Variants in CELSR1 observed in about 807,000 individuals in gnomAD.
CELSR1 encodes the protein cadherin EGF LAG seven-pass G-type receptor 1, also known as adhesion G protein-coupled receptor C1.
In CELSR1, 110 loss-of-function variants were observed where a neutral mutation model predicts 249.1. The observed-to-expected ratio is 0.44, with a 90% CI of 0.38 to 0.52. CELSR1 has a LOEUF of 0.52. Among genes scored for constraint, CELSR1 ranks in the 20% least tolerant of loss-of-function variants. CELSR1 has a pLI of 0.00. For synonymous variants in CELSR1, 2,113 were observed against 1,900.0 expected (o/e 1.11, Z -2.92); for missense variants, 4,109 against 4,296.4 (o/e 0.96, Z 1.22).
At chr22:46,397,277 CT>C (rs528088887) in intron 12 of CELSR1, among the ~76,000 whole-genome samples, 2,261 of 78,678 alleles carry the variant, frequency 0.029, 42 homozygotes, top group African/African-American at 0.1. Flanking sequence ...CTAATTTTTG[CT>C]TTTTTTTTTT....
intron 2 of CELSR1, among the ~76,000 whole-genome samples, chr22:46,439,801 C>T (rs888905548): frequency 6.6e-6 from 1 of 152,166 alleles, no homozygotes; most frequent in Non-Finnish European, 1.5e-5. Context: ...CCTCAGGCCC[C>T]TCCCCACACC....
In CELSR1 at chr22:46,441,721, C is replaced by T. The variant is rs963718164; in HGVS notation, c.4184-2310G>A. 2.6e-5 allele frequency among the ~76,000 whole-genome samples: 4 copies of T among 152,182 alleles called. No individual in the cohort carries two copies. Among genetic ancestry groups the T allele is most frequent in the South Asian group, 4.1e-4 (2 of 4,828 alleles). On this transcript the variant is annotated intron_variant, in intron 2 of 34. Transcript: ENST00000674500. The surrounding 1 kb of genome is among the most constrained non-coding windows in gnomAD (Gnocchi z 6.1). The stretch of plus-strand genomic sequence containing the variant: ...CCATGACCTCATCTAAACCTAATCA[C>T]CTCCTAAAGCACCCATCCTGGGGCA...
intron 1 of CELSR1, among the ~76,000 whole-genome samples, chr22:46,479,162 C>CACCTT (rs2080241067): frequency 1.3e-5 from 2 of 151,924 alleles, no homozygotes; most frequent in Non-Finnish European, 2.9e-5. Flanking sequence ...ACACCTGCGG[C>CACCTT]TGGTGCAGCA....
At chr22:46,419,263 G>C (rs1003686243) in intron 5 of CELSR1, among the ~76,000 whole-genome samples, 1 of 152,186 alleles carries the variant, frequency 6.6e-6, no homozygotes, top group Non-Finnish European at 1.5e-5. Flanking sequence ...AATGACAAAT[G>C]AAGGGCCAAA....
chr22:46,365,633 C>A lies in CELSR1; in HGVS notation c.8357G>T (p.Gly2786Val). 6.3e-7 allele frequency: 1 copy of A among 1,592,222 alleles called. No homozygotes were observed. The highest frequency in any genetic ancestry group is 8.5e-7 in the Non-Finnish European group (1 of 1,170,148). The change falls in exon 31 of 35, where the codon GGA becomes GTA. Residue 2786 changes from glycine (G) to valine (V), a missense_variant. By Grantham distance (109) the Gly-to-Val change is moderately radical. This residue lies in a region of CELSR1 where 1,805 missense variants were observed against 1,831.6 expected (regional missense o/e 0.99). Coordinates refer to ENST00000674500, the MANE Select transcript of CELSR1 (RefSeq NM_001378328.1). ...GGGCATGAGGGACGCGTCTGGCTCTCCGTGGCTGCCCCTCACCAGCCCAGA... is the reference window on the plus strand; with the variant it reads ...GGGCATGAGGGACGCGTCTGGCTCTACGTGGCTGCCCCTCACCAGCCCAGA... ...VSSGLVRGSH[G>V]EPDASLMPRS...
chr22:46,363,995 C>G lies in CELSR1; in HGVS notation c.9035+1G>C. The G allele has an allele frequency of 1.3e-6, 2 of 1,600,000 alleles. No homozygotes were observed. Among genetic ancestry groups the G allele is most frequent in the South Asian group, 2.2e-5 (2 of 89,814 alleles). On this transcript the variant is annotated splice_donor_variant, in intron 34 of 34. Transcript: ENST00000674500. LOFTEE classifies it high-confidence loss of function. This position sits in a 1 kb window ranked among gnomAD's most constrained non-coding sequence, Gnocchi z 4.3. ...CCGCCCTGGAGGCCCAGGCTACTCA[C>G]TCAGAGTCGGAGCCATCGGCCTGGG...
rs923335388 is a variant in CELSR1 at position 46,395,052 on chromosome 22, C to A, written c.5844-790G>T. ...CCCCTGGCTAACCAAGTTCCCTCCA[C>A]CCAGCTGCCAGCCTCTAGCATTCAC... On this transcript the variant is annotated intron_variant, in intron 13 of 34. Transcript: ENST00000674500. This position sits in a 1 kb window ranked among gnomAD's most constrained non-coding sequence, Gnocchi z 5.5. Among the ~76,000 whole-genome samples the A allele has an allele frequency of 6.6e-6, 1 of 152,232 alleles. No individual in the cohort carries two copies. Among genetic ancestry groups the A allele is most frequent in the Non-Finnish European group, 1.5e-5 (1 of 68,030 alleles).
intron 1 of CELSR1, among the ~76,000 whole-genome samples, chr22:46,485,758 G>A (rs934700209): frequency 2.0e-5 from 3 of 152,128 alleles, no homozygotes; most frequent in Non-Finnish European, 4.4e-5. Flanking sequence ...ACAGTCTGGG[G>A]AAATGGGCGC....
In CELSR1 at chr22:46,433,564, A is replaced by G; in HGVS notation, c.4523-83T>C. On this transcript the variant is annotated intron_variant, in intron 4 of 34. Coordinates refer to ENST00000674500, the MANE Select transcript of CELSR1 (RefSeq NM_001378328.1). The surrounding 1 kb of genome is among the most constrained non-coding windows in gnomAD (Gnocchi z 5.7). ...ACCGAGGATTGCGCTGTGAGGCATC[A>G]GGGGGAGACAGGTGCACATGGCCAC... 2 of 1,027,116 alleles carry G rather than the reference A, an allele frequency of 1.9e-6. No homozygotes were observed. The highest frequency in any genetic ancestry group is 2.9e-6 in the Non-Finnish European group (2 of 678,308). The allele number at this position is 1,027,116 out of a possible 1,614,324, so 63.6% of individuals were successfully genotyped here. A position where few individuals can be genotyped will look rare whatever the true frequency, so the allele number is the denominator to read the frequency against.
At position 46,441,461 on chromosome 22, in the gene CELSR1, T is replaced by C. The variant is rs1350484294; in HGVS notation, c.4184-2050A>G. 6.6e-6 allele frequency among the ~76,000 whole-genome samples: 1 copy of C among 152,072 alleles called. No individual in the cohort carries two copies. Among genetic ancestry groups the C allele is most frequent in the Admixed American group, 6.5e-5 (1 of 15,268 alleles). On this transcript the variant is annotated intron_variant, in intron 2 of 34. Coordinates refer to ENST00000674500, the MANE Select transcript of CELSR1 (RefSeq NM_001378328.1). This position sits in a 1 kb window ranked among gnomAD's most constrained non-coding sequence, Gnocchi z 6.1. ...AGAATGAAAACACACTTACGACGCC[T>C]CAGTCTGCTTGGGCTGCCATAATGA...
chr22:46,397,477 C>T (rs914180233), intron 12 of CELSR1, among the ~76,000 whole-genome samples, 197 bp downstream of exon 12: 2 of 152,014 alleles, frequency 1.3e-5, no homozygotes, highest in African/African-American at 4.8e-5. Context: ...GCGCCTGGGG[C>T]ACTCTGTGCC....
rs1385001307 is a variant in CELSR1, at chr22:46,500,758, A to C, written c.3544+32869T>G. 6.6e-6 allele frequency among the ~76,000 whole-genome samples: 1 copy of C among 152,144 alleles called. No individual in the cohort carries two copies. Among genetic ancestry groups the C allele is most frequent in the Non-Finnish European group, 1.5e-5 (1 of 68,018 alleles). On this transcript the variant is annotated intron_variant, in intron 1 of 34. Transcript: ENST00000674500. This position sits in a 1 kb window ranked among gnomAD's most constrained non-coding sequence, Gnocchi z 4.9. ...TGACTGCAGTTTCAGAATGAAGCTC[A>C]CCACCGTGTCCCCACAACTGGAGCT...
chr22:46,503,131 T>C (rs1365531883), intron 1 of CELSR1, among the ~76,000 whole-genome samples: 1 of 152,136 alleles, frequency 6.6e-6, no homozygotes, highest in Non-Finnish European at 1.5e-5. Context: ...TGGCCTCAGA[T>C]GGACAAGACT....
In CELSR1 at chr22:46,517,428, C is replaced by T. The variant is rs980844707; in HGVS notation, c.3544+16199G>A. Among the ~76,000 whole-genome samples, 1 of 152,240 alleles carries T rather than the reference C, an allele frequency of 6.6e-6. No homozygotes were observed. Among genetic ancestry groups the T allele is most frequent in the Non-Finnish European group, 1.5e-5 (1 of 68,042 alleles). ...CCTGGTTTTCCCCCAAAACAGACTC[C>T]ATCTGGCACTTGTCATCTTCCACGG... On this transcript the variant is annotated intron_variant, in intron 1 of 34. Transcript: ENST00000674500. This position sits in a 1 kb window ranked among gnomAD's most constrained non-coding sequence, Gnocchi z 5.4.
Position 46,499,795 on chromosome 22 carries a change from C to T in CELSR1, c.3544+33832G>A, listed in dbSNP as rs1366340910. The stretch of plus-strand genomic sequence containing the variant: ...CCTCTGCTCTCGTCCCTCAGAACCC[C>T]AAGCCATTAGGCGCTGGCCCGGGAT... On this transcript the variant is annotated intron_variant, in intron 1 of 34. Coordinates refer to ENST00000674500, the MANE Select transcript of CELSR1 (RefSeq NM_001378328.1). Among the ~76,000 whole-genome samples the T allele has an allele frequency of 4.6e-5, 7 of 152,242 alleles. No individual in the cohort carries two copies. In the East Asian group the frequency reaches 1.4e-3, roughly 29 times the overall value.
intron 5 of CELSR1, among the ~76,000 whole-genome samples, chr22:46,431,141 G>A (rs6008822): frequency 6.6e-6 from 1 of 152,084 alleles, no homozygotes; most frequent in Non-Finnish European, 1.5e-5. Flanking sequence ...CGTCCTCTGT[G>A]TATCTTCTTA....
At chr22:46,479,557 C>T (rs893368145) in intron 1 of CELSR1, among the ~76,000 whole-genome samples, 7 of 133,918 alleles carry the variant, frequency 5.2e-5, no homozygotes, top group Non-Finnish European at 7.8e-5. Context: ...GCAGGAGATG[C>T]TGGGTTCCAG....
intron 1 of CELSR1, among the ~76,000 whole-genome samples, chr22:46,474,788 C>CTTTTTTTTTTTTTTTTTTTT (rs55932520): frequency 2.2e-5 from 2 of 89,624 alleles, no homozygotes; most frequent in East Asian, 4.1e-4. Context: ...CTCTCTACTT[C>CTTTTTTTTTTTTTTTTTTTT]TTTTTTTTTT....
rs1174294828 is a variant in CELSR1, at chr22:46,363,227, A to G, written c.9056T>C (p.Ile3019Thr). 1 of 1,592,076 alleles carries G rather than the reference A, an allele frequency of 6.3e-7. No homozygotes were observed. Among genetic ancestry groups the G allele is most frequent in the Non-Finnish European group, 8.5e-7 (1 of 1,178,190 alleles). Residue 3019 changes from isoleucine to threonine, a missense_variant, in exon 35 of 35, where the codon ATT (isoleucine) becomes ACT (threonine). Around this residue, in one of 7 missense-constraint regions of CELSR1, gnomAD observed 1,805 missense variants for 1,831.6 expected, o/e 0.99. Coordinates refer to ENST00000674500, the MANE Select transcript of CELSR1 (RefSeq NM_001378328.1). This position sits in a 1 kb window ranked among gnomAD's most constrained non-coding sequence, Gnocchi z 4.3. ...TGAAGTTTCATTACTGATGGTTCAA[A>G]TTGAAGTTTCATTACTGCCTCTGCG... ...SDSEGSNETSI is the reference protein window; with the variant it reads ...SDSEGSNETST
Sources: gnomAD v4.1 joint callset for allele counts (sites outside exome capture counted in the v4.1 genomes callset) on GRCh38, gnomAD v4.1.1 for gene constraint, gnomAD v4.1.1 regional missense constraint, Gnocchi (gnomAD v3.1) non-coding constraint, MANE v1.5 for transcripts, NCBI Gene and HGNC (gene_info 2026-07-23, HGNC 2026-07-21) for gene names.